Variants in CTNND2 observed in about 807,000 individuals in gnomAD.
CTNND2 encodes the protein catenin delta-2.
A neutral mutation model predicts 144.4 loss-of-function variants in CTNND2; 22 were observed. The ratio of observed to expected loss-of-function variants is 0.15; its 90% CI spans 0.11 to 0.22. The LOEUF is 0.22. Ranked by LOEUF, CTNND2 falls within the 10% of genes least tolerant of loss-of-function variation. The pLI is 1.00. For missense variants in CTNND2, 1,353 were observed against 1,618.8 expected, an observed-to-expected ratio of 0.84 and a Z score of 2.82; for synonymous variants, 751 against 695.6, an observed-to-expected ratio of 1.08 and a Z score of -1.25.
intron 1 of CTNND2, among the ~76,000 whole-genome samples, chr5:11,884,428 T>C (rs1402893410): frequency 1.3e-5 from 2 of 152,160 alleles, no homozygotes; most frequent in East Asian, 1.9e-4. Context: ...ATTTATTAAA[T>C]AGGGAATCCT....
rs532943582 is a variant in CTNND2 at position 11,293,952 on chromosome 5, A to G, written c.1628+52420T>C. 2.0e-5 allele frequency among the ~76,000 whole-genome samples: 3 copies of G among 151,634 alleles called. No homozygotes were observed. In the East Asian group the frequency reaches 5.9e-4, roughly 30 times the overall value. ...CCCAGCCCAGAGCTGGTCTAGAGCA[A>G]CAGTTCTCAGAGTCTCAAAGTTTGG... On this transcript the variant is annotated intron_variant, in intron 9 of 21. Coordinates refer to ENST00000304623, the MANE Select transcript of CTNND2 (RefSeq NM_001332.4).
intron 3 of CTNND2, among the ~76,000 whole-genome samples, chr5:11,494,004 A>G (rs1769701828): frequency 1.3e-5 from 2 of 152,206 alleles, no homozygotes; most frequent in African/African-American, 4.8e-5. Flanking sequence ...GTCAAATATT[A>G]CAGTGATTAA....
chr5:11,179,159 G>A (rs1760761144), intron 11 of CTNND2, among the ~76,000 whole-genome samples: 1 of 152,104 alleles, frequency 6.6e-6, no homozygotes, highest in East Asian at 1.9e-4. Context: ...CAGCGTGGTG[G>A]CAGGTGCCCT....
intron 12 of CTNND2, among the ~76,000 whole-genome samples, chr5:11,156,045 A>T (rs1250460624): frequency 1.3e-5 from 2 of 152,196 alleles, no homozygotes; most frequent in East Asian, 3.9e-4. Flanking sequence ...GCGTTAGGGC[A>T]TGAAGTGGGG....
At chr5:11,212,780 G>C (rs1045941625) in intron 10 of CTNND2, among the ~76,000 whole-genome samples, 3 of 152,172 alleles carry the variant, frequency 2.0e-5, no homozygotes, top group Non-Finnish European at 2.9e-5. Flanking sequence ...TCTCGGTAAG[G>C]GCCTGGGCCT....
intron 19 of CTNND2, 100 bp downstream of exon 19, chr5:10,992,451 A>G: frequency 2.6e-6 from 4 of 1,531,086 alleles, no homozygotes; most frequent in Non-Finnish European, 3.6e-6. Flanking sequence ...GTCTGAATGG[A>G]AGGCTCTCCT....
intron 3 of CTNND2, among the ~76,000 whole-genome samples, chr5:11,471,369 G>A (rs1240971516): frequency 6.6e-6 from 1 of 152,050 alleles, no homozygotes; most frequent in African/African-American, 2.4e-5. Flanking sequence ...AAAAATGAAT[G>A]TAAACACATT....
At chr5:11,883,705 AT>A (rs1736304293) in intron 1 of CTNND2, among the ~76,000 whole-genome samples, 1 of 152,190 alleles carries the variant, frequency 6.6e-6, no homozygotes, top group Non-Finnish European at 1.5e-5. Flanking sequence ...CAGTAATGGG[AT>A]TGCTGGATCA....
rs188674946 is a variant in CTNND2 at position 11,513,718 on chromosome 5, C to T, written c.287+51226G>A. ...AAAAAAAAAATCTCTTTAAGTACGT[C>T]TTAATTTGCAAATGTGCCTAACTAC... On this transcript the variant is annotated intron_variant, in intron 3 of 21. Coordinates refer to ENST00000304623, the MANE Select transcript of CTNND2 (RefSeq NM_001332.4). 2.3e-3 allele frequency among the ~76,000 whole-genome samples: 344 copies of T among 152,152 alleles called. 2 individuals are homozygous for T. Among genetic ancestry groups the T allele is most frequent in the African/African-American group, 7.9e-3 (327 of 41,514 alleles).
At position 11,471,479 on chromosome 5, in the gene CTNND2, T is replaced by TA. The variant is rs554673529; in HGVS notation, c.288-59411dup. On this transcript the variant is annotated intron_variant, in intron 3 of 21. Transcript: ENST00000304623. ...CTCAGAATACACTGTTTCCTACTTT[T>TA]AAAAAAATCACAGTGATGTTATCAA... 3.7e-4 allele frequency among the ~76,000 whole-genome samples: 56 copies of TA among 152,256 alleles called. No homozygotes were observed. The East Asian group carries it at 8.7e-3, about 24-fold the overall frequency.
At chr5:11,738,205 A>G (rs1415115641) in intron 1 of CTNND2, among the ~76,000 whole-genome samples, 1 of 152,192 alleles carries the variant, frequency 6.6e-6, no homozygotes, top group African/African-American at 2.4e-5. Context: ...AAAGCTTACA[A>G]AGGGATGTAC....
At chr5:11,680,398 G>A (rs1017380440) in intron 2 of CTNND2, among the ~76,000 whole-genome samples, 1 of 152,132 alleles carries the variant, frequency 6.6e-6, no homozygotes, top group Non-Finnish European at 1.5e-5. Flanking sequence ...TGTGGTGGTA[G>A]GAGTGGGGAG....
At chr5:11,025,561 T>A (rs189779689) in intron 16 of CTNND2, among the ~76,000 whole-genome samples, 1 of 152,214 alleles carries the variant, frequency 6.6e-6, no homozygotes, top group African/African-American at 2.4e-5. Context: ...ACATTTAGGA[T>A]TTTTTCTTGT....
At chr5:11,833,340 T>C (rs191465074) in intron 1 of CTNND2, among the ~76,000 whole-genome samples, 2 of 152,202 alleles carry the variant, frequency 1.3e-5, no homozygotes, top group East Asian at 1.9e-4. Context: ...TTAACCTCAA[T>C]TCCATTATGC....
chr5:11,385,408 C>T (rs955511711), intron 6 of CTNND2, among the ~76,000 whole-genome samples, 179 bp from the exon 7 acceptor site: 3 of 152,092 alleles, frequency 2.0e-5, no homozygotes, highest in African/African-American at 7.2e-5. Context: ...TCTCCTGGGG[C>T]GGATTTCTTG....
chr5:11,223,248 T>C (rs1739979671), intron 10 of CTNND2, among the ~76,000 whole-genome samples: 1 of 152,186 alleles, frequency 6.6e-6, no homozygotes, highest in Non-Finnish European at 1.5e-5. Context: ...GACCCTGCCC[T>C]TGTCCATCTT....
intron 2 of CTNND2, among the ~76,000 whole-genome samples, chr5:11,655,428 C>T (rs1782860702): frequency 6.6e-6 from 1 of 152,094 alleles, no homozygotes; most frequent in Non-Finnish European, 1.5e-5. Context: ...GACAGCATTA[C>T]ATCAACCAGT....
At chr5:11,199,770 T>C (rs1425561995) in intron 10 of CTNND2, 109 bp from the exon 11 acceptor site, 1 of 765,328 alleles carries the variant, frequency 1.3e-6, no homozygotes, top group African/African-American at 1.7e-5. Flanking sequence ...CGCACCAAAC[T>C]GAATTAAGGC....
chr5:11,613,300 G>A (rs1780423011), intron 2 of CTNND2, among the ~76,000 whole-genome samples: 1 of 68,048 alleles, frequency 1.5e-5, no homozygotes, highest in African/African-American at 3.7e-5. Context: ...ATAAACGTGT[G>A]TGTATATGTG....
Sources: gnomAD v4.1 joint callset for allele counts (sites outside exome capture counted in the v4.1 genomes callset) on GRCh38, gnomAD v4.1.1 for gene constraint, MANE v1.5 for transcripts, NCBI Gene and HGNC (gene_info 2026-07-23, HGNC 2026-07-21) for gene names.